Variants in PDE4D observed in about 807,000 individuals in gnomAD.
The protein encoded by PDE4D is 3',5'-cyclic-AMP phosphodiesterase 4D.
In PDE4D, 24 loss-of-function variants were observed where a neutral mutation model predicts 87.4. That is an observed-to-expected ratio of 0.27 (90% CI 0.20 to 0.39). The LOEUF (loss-of-function observed/expected upper bound fraction) is 0.39, where lower values mean the gene tolerates loss of function less well. Ranked by LOEUF, PDE4D falls within the 10% of genes least tolerant of loss-of-function variation. The probability of loss-of-function intolerance (pLI) is 1.00; values close to 1 mark genes in which losing one functional copy is unlikely to be tolerated. For synonymous variants in PDE4D, 384 were observed against 383.2 expected (o/e 1.00, Z -0.02); for missense variants, 714 against 1,041.0 (o/e 0.69, Z 4.32).
chr5:59,270,610 A>G (rs893061887), intron 1 of PDE4D, among the ~76,000 whole-genome samples: 1 of 152,190 alleles, frequency 6.6e-6, no homozygotes, highest in Non-Finnish European at 1.5e-5. Flanking sequence ...TCACAAAGCT[A>G]TTTTTCAACA....
chr5:60,470,483 C>T (rs150499661), intron 1 of PDE4D, among the ~76,000 whole-genome samples: 2,798 of 152,192 alleles, frequency 0.018, 55 homozygotes, highest in Non-Finnish European at 0.028. Flanking sequence ...TCAATCTAGA[C>T]AAAACAGTCT....
intron 1 of PDE4D, among the ~76,000 whole-genome samples, chr5:60,334,186 A>C (rs78488169): frequency 0.027 from 4,144 of 152,232 alleles, 165 homozygotes; most frequent in African/African-American, 0.095. Flanking sequence ...ATCTTCTTGA[A>C]GACCTGGTTA....
chr5:60,365,444 A>C (rs1180826327), intron 1 of PDE4D, among the ~76,000 whole-genome samples: 1 of 152,134 alleles, frequency 6.6e-6, no homozygotes, highest in Non-Finnish European at 1.5e-5. Flanking sequence ...TCTATTTGTC[A>C]AGTCCCTACC....
intron 1 of PDE4D, among the ~76,000 whole-genome samples, chr5:59,824,070 T>C (rs1232200805): frequency 6.6e-6 from 1 of 151,996 alleles, no homozygotes; most frequent in Non-Finnish European, 1.5e-5. Flanking sequence ...TTGACTCTTC[T>C]TTCAAGAGCA....
At chr5:59,962,514 C>T (rs1164335326) in intron 3 of PDE4D, among the ~76,000 whole-genome samples, 1 of 151,662 alleles carries the variant, frequency 6.6e-6, no homozygotes, top group Non-Finnish European at 1.5e-5. Context: ...TCTTACGCTC[C>T]TACATGAAAA....
At chr5:59,194,539 T>C (rs1482559998) in intron 2 of PDE4D, among the ~76,000 whole-genome samples, 1 of 152,120 alleles carries the variant, frequency 6.6e-6, no homozygotes, top group Non-Finnish European at 1.5e-5. Flanking sequence ...TACCAATAGC[T>C]AGAATAGGTG....
intron 2 of PDE4D, among the ~76,000 whole-genome samples, chr5:60,175,226 C>T (rs1783808074): frequency 6.6e-6 from 1 of 152,092 alleles, no homozygotes; most frequent in Non-Finnish European, 1.5e-5. Flanking sequence ...AGCCCAAAGA[C>T]ATTTTTTAAT....
chr5:59,102,480 A>G (rs1770923434), intron 5 of PDE4D, among the ~76,000 whole-genome samples: 2 of 152,172 alleles, frequency 1.3e-5, no homozygotes, highest in South Asian at 4.1e-4. Flanking sequence ...GTTTTAATAA[A>G]TCAAATACCT....
At chr5:59,551,213 A>C (rs1050965351) in intron 1 of PDE4D, among the ~76,000 whole-genome samples, 4 of 151,544 alleles carry the variant, frequency 2.6e-5, no homozygotes, top group Non-Finnish European at 5.9e-5. Context: ...TTGAAATTTA[A>C]ATACTCATTT....
At chr5:58,995,490 C>T (rs191010029) in intron 6 of PDE4D, among the ~76,000 whole-genome samples, 221 of 152,216 alleles carry the variant, frequency 1.5e-3, no homozygotes, top group African/African-American at 5.1e-3. Context: ...TTTTCTGTCC[C>T]TCTTTACAAA....
At chr5:60,492,781 T>C (rs1035857121), upstream of PDE4D, among the ~76,000 whole-genome samples, 1 of 151,708 alleles carries the variant, frequency 6.6e-6, no homozygotes. Context: ...TTAGGAGAAA[T>C]ACCTAATATA....
In PDE4D at chr5:59,534,981, A is replaced by C. The variant is rs895305709; in HGVS notation, c.456-319013T>G. 2.6e-5 allele frequency among the ~76,000 whole-genome samples: 4 copies of C among 151,678 alleles called. No individual in the cohort carries two copies. The East Asian group carries it at 5.9e-4, about 22-fold the overall frequency. ...TGGGCTTCTTGTTAAGTATTTATTA[A>C]TATTGGGTATGATGCTTATTCTGCA... is the stretch of plus-strand genomic sequence containing the variant. On this transcript the variant is annotated intron_variant, in intron 1 of 14. Coordinates refer to ENST00000340635, the MANE Select transcript of PDE4D (RefSeq NM_001104631.2).
At chr5:59,329,106 G>A (rs912734579) in intron 1 of PDE4D, among the ~76,000 whole-genome samples, 2 of 152,188 alleles carry the variant, frequency 1.3e-5, no homozygotes, top group Non-Finnish European at 2.9e-5. Flanking sequence ...AGGCAGAGAG[G>A]GGAGGCTGAC....
At chr5:60,170,591 A>T (rs1279798451) in intron 2 of PDE4D, among the ~76,000 whole-genome samples, 1 of 152,014 alleles carries the variant, frequency 6.6e-6, no homozygotes, top group Non-Finnish European at 1.5e-5. Context: ...AAAGCATCAT[A>T]CAAATGTTTT....
chr5:59,010,314 TTC>T (rs1752520074), intron 6 of PDE4D, among the ~76,000 whole-genome samples: 1 of 152,022 alleles, frequency 6.6e-6, no homozygotes, highest in Non-Finnish European at 1.5e-5. Context: ...GTGACAGAGA[TTC>T]TGTCTCCAAA....
At chr5:60,151,628 G>C (rs1343729352) in intron 2 of PDE4D, among the ~76,000 whole-genome samples, 2 of 152,104 alleles carry the variant, frequency 1.3e-5, no homozygotes, top group Non-Finnish European at 2.9e-5. Flanking sequence ...GAATTTGCTT[G>C]TTTCAACAGA....
At chr5:60,092,332 TA>T in intron 2 of PDE4D, among the ~76,000 whole-genome samples, 1 of 151,920 alleles carries the variant, frequency 6.6e-6, no homozygotes, top group Non-Finnish European at 1.5e-5. Flanking sequence ...GGTTAATGTG[TA>T]AAAAAATACA....
intron 1 of PDE4D, among the ~76,000 whole-genome samples, chr5:59,649,015 T>A (rs1742931822): frequency 6.6e-6 from 1 of 152,204 alleles, no homozygotes; most frequent in African/African-American, 2.4e-5. Context: ...TGGATTCTTA[T>A]ATATAGGAAA....
At position 59,451,443 on chromosome 5, in the gene PDE4D, A is replaced by T. The variant is rs114032635; in HGVS notation, c.456-235475T>A. 4.1e-3 allele frequency among the ~76,000 whole-genome samples: 624 copies of T among 152,304 alleles called. 2 individuals carry two copies. The highest frequency in any genetic ancestry group is 0.014 in the African/African-American group (576 of 41,566). On this transcript the variant is annotated intron_variant, in intron 1 of 14. Transcript: ENST00000340635. ...CATCTGCCTCCTGAGCTCCAGACAC[A>T]TACAGCGCACCTGACTCCTGGACAG...
Sources: gnomAD v4.1 joint callset for allele counts (sites outside exome capture counted in the v4.1 genomes callset) on GRCh38, gnomAD v4.1.1 for gene constraint, MANE v1.5 for transcripts, NCBI Gene and HGNC (gene_info 2026-07-23, HGNC 2026-07-21) for gene names.